The following CRYBA4 variants were observed in gnomAD, a reference collection of about 807,000 sequenced individuals.
The protein encoded by CRYBA4 is crystallin beta A4, also known as beta-crystallin A4.
In CRYBA4, 30 loss-of-function variants were observed where a neutral mutation model predicts 31.7. That is an observed-to-expected ratio of 0.95 (90% CI 0.71 to 1.28). The LOEUF (loss-of-function observed/expected upper bound fraction) is 1.28, where lower values mean the gene tolerates loss of function less well. Among genes scored for constraint, CRYBA4 ranks in the 50% most tolerant of loss-of-function variants. The pLI, the probability that CRYBA4 is intolerant of heterozygous loss-of-function variation, is 0.00. For synonymous variants in CRYBA4, 102 were observed against 102.3 expected, an observed-to-expected ratio of 1.00 and a Z score of 0.02; for missense variants, 225 against 260.7, an observed-to-expected ratio of 0.86 and a Z score of 0.94.
At chr22:26,616,429 G>A in the CRYBA4 span, 1 of 852,726 alleles carries the variant, frequency 1.2e-6, no homozygotes, top group Non-Finnish European at 1.9e-6. Context: ...CCTCCTTGGA[G>A]CTCGTTTCCT....
At chr22:26,610,897 G>A in the CRYBA4 span, among the ~76,000 whole-genome samples, 14 of 152,260 alleles carry the variant, frequency 9.2e-5, no homozygotes, top group Middle Eastern at 6.8e-3. Flanking sequence ...AGCTCATCTC[G>A]GAATGGGCTC....
upstream of CRYBA4, among the ~76,000 whole-genome samples, chr22:26,620,434 G>A (rs544818217): frequency 6.6e-6 from 1 of 151,990 alleles, no homozygotes; most frequent in East Asian, 1.9e-4. Flanking sequence ...GAGTGCGTAA[G>A]TAACATGCTT....
chr22:26,615,410 G>C, the CRYBA4 span, among the ~76,000 whole-genome samples: 1 of 152,176 alleles, frequency 6.6e-6, no homozygotes, highest in Admixed American at 6.5e-5. Context: ...AAGCATGTGC[G>C]TGTGCAGGTG....
the CRYBA4 span, among the ~76,000 whole-genome samples, chr22:26,595,542 G>T: frequency 2.8e-5 from 4 of 144,628 alleles, no homozygotes. Flanking sequence ...TCGGGCCATT[G>T]CACTCCAGCC....
the CRYBA4 span, among the ~76,000 whole-genome samples, chr22:26,615,773 C>G: frequency 6.6e-6 from 1 of 152,312 alleles, no homozygotes; most frequent in South Asian, 2.1e-4. Flanking sequence ...CTCGGCCTCC[C>G]AAAGTGCTGG....
At chr22:26,600,377 G>A in the CRYBA4 span, among the ~76,000 whole-genome samples, 4 of 152,032 alleles carry the variant, frequency 2.6e-5, no homozygotes, top group African/African-American at 7.3e-5. Flanking sequence ...ACTCCAGCCT[G>A]AGGGACAGAG....
chr22:26,591,601 C>T, the CRYBA4 span, among the ~76,000 whole-genome samples: 2 of 142,662 alleles, frequency 1.4e-5, no homozygotes, highest in East Asian at 2.1e-4. Context: ...ATTAGCTGGG[C>T]ATGGTGGTGC....
chr22:26,591,816 G>A, the CRYBA4 span, among the ~76,000 whole-genome samples: 10 of 149,054 alleles, frequency 6.7e-5, no homozygotes, highest in African/African-American at 2.5e-4. Flanking sequence ...GCTGAGGCAC[G>A]AGAATTGCTT....
At chr22:26,612,206 C>T in the CRYBA4 span, 1 of 1,582,152 alleles carries the variant, frequency 6.3e-7, no homozygotes, top group East Asian at 2.2e-5. Flanking sequence ...GGAGAGAAGC[C>T]CCCATGCCAA....
the CRYBA4 span, among the ~76,000 whole-genome samples, chr22:26,591,670 G>A: frequency 3.3e-5 from 5 of 151,616 alleles, no homozygotes; most frequent in South Asian, 2.1e-4. Context: ...GAACCCAGGA[G>A]GTGGAGGTTG....
At chr22:26,612,337 C>T in the CRYBA4 span, 20 of 638,764 alleles carry the variant, frequency 3.1e-5, no homozygotes, top group East Asian at 5.2e-4. Context: ...GTCCTCCCAT[C>T]CCCCAATTCT....
chr22:26,602,206 G>C, the CRYBA4 span, among the ~76,000 whole-genome samples: 2 of 152,114 alleles, frequency 1.3e-5, no homozygotes, highest in African/African-American at 2.4e-5. Flanking sequence ...CAACTCCCAC[G>C]TCATAGGGTC....
chr22:26,609,037 C>T, the CRYBA4 span, among the ~76,000 whole-genome samples: 1 of 152,068 alleles, frequency 6.6e-6, no homozygotes, highest in Non-Finnish European at 1.5e-5. Flanking sequence ...AAGACAATCC[C>T]CATTCCGTAG....
Position 26,622,591 on chromosome 22 carries a change from G to A in CRYBA4, c.-6G>A. 6.2e-7 allele frequency: 1 copy of A among 1,606,222 alleles called. No individual in the cohort carries two copies. Among genetic ancestry groups the A allele is most frequent in the East Asian group, 2.3e-5 (1 of 44,406 alleles). On this transcript the variant is annotated 5_prime_UTR_variant, in exon 2 of 6. Transcript: ENST00000354760. ...ATGTTCTTCTCTTCTGCAGGAAGGG[G>A]CCACAATGACCCTGCAATGCACAAA...
chr22:26,599,358 C>T, the CRYBA4 span: 2 of 817,554 alleles, frequency 2.4e-6, no homozygotes, highest in Non-Finnish European at 4.0e-6. Context: ...TATGGGGGAC[C>T]TCAAGGCACA....
upstream of CRYBA4, chr22:26,621,890 C>T (rs745539556): frequency 2.0e-4 from 157 of 800,660 alleles, no homozygotes; most frequent in Non-Finnish European, 2.1e-4. Context: ...GTTGCTGAGT[C>T]GGGGCTTTGT....
At chr22:26,600,538 G>A in the CRYBA4 span, among the ~76,000 whole-genome samples, 139 of 152,332 alleles carry the variant, frequency 9.1e-4, no homozygotes, top group African/African-American at 3.2e-3. Context: ...GAATCTAGGT[G>A]GATAAGGTAT....
chr22:26,601,502 C>A, the CRYBA4 span, among the ~76,000 whole-genome samples: 1 of 151,748 alleles, frequency 6.6e-6, no homozygotes, highest in Non-Finnish European at 1.5e-5. Context: ...TCATTCTGTT[C>A]ATTCTCCCAG....
intron 4 of CRYBA4, among the ~76,000 whole-genome samples, chr22:26,627,094 A>G (rs1403029599): frequency 2.0e-5 from 3 of 152,282 alleles, no homozygotes; most frequent in Non-Finnish European, 2.9e-5. Flanking sequence ...GGCGGGCTGC[A>G]ACAGAAACAA....
Sources: gnomAD v4.1 joint callset for allele counts (sites outside exome capture counted in the v4.1 genomes callset) on GRCh38, gnomAD v4.1.1 for gene constraint, MANE v1.5 for transcripts, NCBI Gene and HGNC (gene_info 2026-07-23, HGNC 2026-07-21) for gene names.